SDC4: variants seen among roughly 807,000 people sequenced by gnomAD.
The protein encoded by SDC4 is syndecan-4.
A neutral mutation model predicts 20.5 loss-of-function variants in SDC4; 17 were observed. The ratio of observed to expected loss-of-function variants is 0.83; its 90% CI spans 0.57 to 1.25. SDC4 has a LOEUF of 1.25. Ranked by LOEUF, SDC4 falls within the 50% of genes most tolerant of loss-of-function variation. The pLI, the probability that SDC4 is intolerant of heterozygous loss-of-function variation, is 0.00. For synonymous variants in SDC4, 107 were observed against 105.3 expected (o/e 1.02, Z -0.10); for missense variants, 241 against 252.3 (o/e 0.96, Z 0.30).
rs1407831605 is a variant in SDC4, at chr20:45,325,482, A to C, written c.*1782T>G. 6.6e-6 allele frequency: 1 copy of C among 152,600 alleles called. No individual in the cohort carries two copies. The highest frequency in any genetic ancestry group is 1.5e-5 in the Non-Finnish European group (1 of 68,092). 9.5% of individuals were successfully genotyped at this position (152,600 alleles called of 1,614,324 possible). A position where few individuals can be genotyped will look rare whatever the true frequency, so the allele number is the denominator to read the frequency against. On this transcript the variant is annotated 3_prime_UTR_variant, in exon 5 of 5. Transcript: ENST00000372733. ...GGAGCTAATGGCCACTGGTGCAGCA[A>C]GGGAGGGTGGTTCCCCTCACCGCAG...
chr20:45,336,140 C>T (rs889789597), intron 1 of SDC4, among the ~76,000 whole-genome samples: 1 of 152,216 alleles, frequency 6.6e-6, no homozygotes, highest in Non-Finnish European at 1.5e-5. Flanking sequence ...AGGCTGGGCA[C>T]AGTGGCTCAC....
At chr20:45,346,966 G>T (rs2145719393) in intron 1 of SDC4, among the ~76,000 whole-genome samples, 1 of 152,312 alleles carries the variant, frequency 6.6e-6, no homozygotes, top group East Asian at 1.9e-4. Context: ...TTAACTGTGT[G>T]ACCCTGGGCA....
chr20:45,346,305 CAGG>C (rs2145719082), intron 1 of SDC4, among the ~76,000 whole-genome samples: 1 of 152,324 alleles, frequency 6.6e-6, no homozygotes, highest in Non-Finnish European at 1.5e-5. Flanking sequence ...CAGTTACAGG[CAGG>C]AGGTCTGTGA....
intron 1 of SDC4, among the ~76,000 whole-genome samples, chr20:45,337,372 C>A (rs1050844846): frequency 6.6e-6 from 1 of 152,178 alleles, no homozygotes; most frequent in Non-Finnish European, 1.5e-5. Flanking sequence ...CTTCTCCAGA[C>A]GCCATAACTG....
Position 45,348,416 on chromosome 20 carries a change from G to A in SDC4, c.-32C>T, listed in dbSNP as rs1238711859. The A allele has an allele frequency of 6.6e-7, 1 of 1,515,186 alleles. No homozygotes were observed. The highest frequency in any genetic ancestry group is 2.1e-5 in the Admixed American group (1 of 47,472). 93.9% of individuals were successfully genotyped at this position (1,515,186 alleles called of 1,614,324 possible). A position where few individuals can be genotyped will look rare whatever the true frequency, so the allele number is the denominator to read the frequency against. On this transcript the variant is annotated 5_prime_UTR_variant, in exon 1 of 5. Coordinates refer to ENST00000372733, the MANE Select transcript of SDC4 (RefSeq NM_002999.4). Reference sequence around the variant, plus strand: ...GCGGACTGGAGAAGGCGCGCAGGCTGCGGCGAGTGGCCCCGGGCGGGCGCG... The same window carrying A: ...GCGGACTGGAGAAGGCGCGCAGGCTACGGCGAGTGGCCCCGGGCGGGCGCG...
intron 3 of SDC4, among the ~76,000 whole-genome samples, chr20:45,332,566 C>A (rs1987794529): frequency 6.6e-6 from 1 of 152,050 alleles, no homozygotes; most frequent in African/African-American, 2.4e-5. Context: ...CTACCAGCAA[C>A]CTACAAAATG....
At chr20:45,347,283 A>T (rs7274709) in intron 1 of SDC4, among the ~76,000 whole-genome samples, 1,873 of 152,216 alleles carry the variant, frequency 0.012, 42 homozygotes, top group African/African-American at 0.043. Context: ...AACTGCAAGG[A>T]CTCACTCGCT....
At chr20:45,335,956 C>T (rs1987858643) in intron 1 of SDC4, 36 bp from the exon 2 acceptor site, 3 of 1,599,184 alleles carry the variant, frequency 1.9e-6, no homozygotes, top group Non-Finnish European at 2.6e-6. Flanking sequence ...AGCCAACATC[C>T]CCAGTGCTCC....
At chr20:45,327,887 G>A (rs2235224) in intron 4 of SDC4, among the ~76,000 whole-genome samples, 74,770 of 151,972 alleles carry the variant, frequency 0.49, 18,530 homozygotes, top group Admixed American at 0.56. Context: ...TGCCCATCTC[G>A]GCCTCCCAAA....
chr20:45,342,106 G>A (rs1016780402), intron 1 of SDC4, among the ~76,000 whole-genome samples: 10 of 152,166 alleles, frequency 6.6e-5, no homozygotes, highest in African/African-American at 1.7e-4. Flanking sequence ...CAGCAGATCC[G>A]AAATCCCTGC....
intron 1 of SDC4, 77 bp downstream of exon 1, chr20:45,348,248 C>A: frequency 7.8e-7 from 1 of 1,282,496 alleles, no homozygotes; most frequent in Non-Finnish European, 1.1e-6. Context: ...CCCCCCCATC[C>A]CACGCTCCGA....
chr20:45,344,463 C>T (rs1338213732), intron 1 of SDC4, among the ~76,000 whole-genome samples: 1 of 152,162 alleles, frequency 6.6e-6, no homozygotes, highest in African/African-American at 2.4e-5. Context: ...CGGTCCAGCC[C>T]CTTACCCCAA....
At chr20:45,339,263 G>A (rs542608466) in intron 1 of SDC4, among the ~76,000 whole-genome samples, 114 of 152,328 alleles carry the variant, frequency 7.5e-4, no homozygotes, top group South Asian at 2.5e-3. Context: ...AGGCCACCCA[G>A]CAGCCAGGCC....
chr20:45,348,229 C>CT (rs5841587), intron 1 of SDC4, 96 bp downstream of exon 1: 325,882 of 988,136 alleles, frequency 0.33, 64,758 homozygotes, highest in East Asian at 0.48. Flanking sequence ...AGCGTACCCC[C>CT]GATCTGCCCC....
In SDC4 at chr20:45,326,957, AG is replaced by A. The variant is rs1987700794; in HGVS notation, c.*306del. Reference sequence around the variant, plus strand: ...GAGGAGCTCTGGATGAGGCATGGTCAGTATGGGCTTGAGGGCGGACCTAGAT... The same window carrying A: ...GAGGAGCTCTGGATGAGGCATGGTCATATGGGCTTGAGGGCGGACCTAGAT... On this transcript the variant is annotated 3_prime_UTR_variant, in exon 5 of 5. Transcript: ENST00000372733. 8.5e-6 allele frequency: 2 copies of A among 236,108 alleles called. No homozygotes were observed. Among genetic ancestry groups the A allele is most frequent in the African/African-American group, 4.4e-5 (2 of 44,986 alleles). 14.6% of individuals were successfully genotyped at this position (236,108 alleles called of 1,614,324 possible).
intron 1 of SDC4, among the ~76,000 whole-genome samples, chr20:45,337,686 T>G (rs1987893148): frequency 6.6e-6 from 1 of 152,178 alleles, no homozygotes. Context: ...TCAGAGCCAC[T>G]CCTGTACTCT....
chr20:45,343,451 C>A (rs1987984172), intron 1 of SDC4, among the ~76,000 whole-genome samples: 1 of 152,132 alleles, frequency 6.6e-6, no homozygotes, highest in African/African-American at 2.4e-5. Flanking sequence ...GGTCTGATAC[C>A]CTTGGCAAAC....
chr20:45,342,105 C>T (rs1293320886), intron 1 of SDC4, among the ~76,000 whole-genome samples: 2 of 152,156 alleles, frequency 1.3e-5, no homozygotes, highest in Admixed American at 6.5e-5. Flanking sequence ...GCAGCAGATC[C>T]GAAATCCCTG....
Position 45,339,633 on chromosome 20 carries a change from G to A in SDC4, c.61-3713C>T, listed in dbSNP as rs562603404. Among the ~76,000 whole-genome samples the A allele has an allele frequency of 9.2e-5, 14 of 152,316 alleles. No homozygotes were observed. The South Asian group carries it at 2.5e-3, about 27-fold the overall frequency. On this transcript the variant is annotated intron_variant, in intron 1 of 4. Coordinates refer to ENST00000372733, the MANE Select transcript of SDC4 (RefSeq NM_002999.4). Reference sequence around the variant, plus strand: ...TGCACGCCTGTGGTCCCAGCTACTCGGGAGGCTGAAGTGGGAGGATCACTT... The same window carrying A: ...TGCACGCCTGTGGTCCCAGCTACTCAGGAGGCTGAAGTGGGAGGATCACTT...
Sources: allele counts gnomAD v4.1 joint callset (sites outside exome capture counted in the v4.1 genomes callset), GRCh38; gene constraint gnomAD v4.1.1; transcripts MANE v1.5; gene names NCBI Gene and HGNC (gene_info 2026-07-23, HGNC 2026-07-21).